Variants in KHDRBS2 observed in about 807,000 individuals in gnomAD.
The protein encoded by KHDRBS2 is KH RNA binding domain containing, signal transduction associated 2, also known as KH domain-containing, RNA-binding, signal transduction-associated protein 2.
In KHDRBS2, 26 loss-of-function variants were observed where a neutral mutation model predicts 44.3. That is an observed-to-expected ratio of 0.59 (90% confidence interval 0.43 to 0.81). The LOEUF (loss-of-function observed/expected upper bound fraction) is 0.81. Among genes scored for constraint, KHDRBS2 ranks in the 40% least tolerant of loss-of-function variants. The pLI, the probability that KHDRBS2 is intolerant of heterozygous loss-of-function variation, is 0.00. For missense variants in KHDRBS2, 476 were observed against 433.1 expected (o/e 1.10, Z -0.88); for synonymous variants, 194 against 151.1 (o/e 1.28, Z -2.08).
At chr6:61,929,057 C>G (rs113428076) in intron 4 of KHDRBS2, among the ~76,000 whole-genome samples, 1,531 of 152,154 alleles carry the variant, frequency 0.01, 12 homozygotes, top group Middle Eastern at 0.017. Context: ...TTTCCTTCCT[C>G]TAAAGATGGC....
At chr6:61,828,597 G>T (rs540154120) in intron 6 of KHDRBS2, among the ~76,000 whole-genome samples, 20 of 152,232 alleles carry the variant, frequency 1.3e-4, no homozygotes, top group Non-Finnish European at 2.5e-4. Context: ...TAGCTCAAAA[G>T]TTCTTTCCTC....
intron 1 of KHDRBS2, among the ~76,000 whole-genome samples, chr6:62,260,063 A>C (rs1838084472): frequency 1.3e-5 from 2 of 151,974 alleles, no homozygotes; most frequent in African/African-American, 4.8e-5. Flanking sequence ...CTTTGCTGCC[A>C]GTCAGAGCTG....
chr6:61,571,192 G>C, the KHDRBS2 span, among the ~76,000 whole-genome samples: 1 of 151,940 alleles, frequency 6.6e-6, no homozygotes, highest in African/African-American at 2.4e-5. Context: ...AATATATAAT[G>C]ACTCACATAA....
Position 61,869,633 on chromosome 6 carries a change from G to A in KHDRBS2, c.810+25002C>T, listed in dbSNP as rs535499721. 1.6e-3 allele frequency among the ~76,000 whole-genome samples: 241 copies of A among 152,252 alleles called. 8 individuals carry two copies. The South Asian group carries it at 0.046, about 29-fold the overall frequency. On this transcript the variant is annotated intron_variant, in intron 6 of 8. Coordinates refer to ENST00000281156, the MANE Select transcript of KHDRBS2 (RefSeq NM_152688.4). ...TCCCAGCGAGATTGACGCAGAAGAC[G>A]GTGATTTCTGCATTTCCAACTGAGG...
At chr6:61,732,580 C>A in intron 7 of KHDRBS2, 102 bp downstream of exon 7, 1 of 732,736 alleles carries the variant, frequency 1.4e-6, no homozygotes, top group Admixed American at 2.2e-5. Flanking sequence ...AGAAAAAACA[C>A]TACTAGAAAT....
intron 2 of KHDRBS2, among the ~76,000 whole-genome samples, chr6:62,134,091 T>A (rs1186970348): frequency 3.9e-5 from 6 of 152,138 alleles, no homozygotes; most frequent in African/African-American, 1.4e-4. Flanking sequence ...CAAATGTTAA[T>A]CGCTAAGACA....
At chr6:61,997,283 A>G (rs140809167) in intron 3 of KHDRBS2, among the ~76,000 whole-genome samples, 32 of 152,210 alleles carry the variant, frequency 2.1e-4, no homozygotes, top group African/African-American at 6.7e-4. Context: ...CTATCACCCT[A>G]TTGATTCTGA....
At chr6:62,238,340 G>C (rs1834039763) in intron 1 of KHDRBS2, among the ~76,000 whole-genome samples, 1 of 152,074 alleles carries the variant, frequency 6.6e-6, no homozygotes, top group African/African-American at 2.4e-5. Flanking sequence ...TCTTATATGA[G>C]TACATTTTTA....
intron 4 of KHDRBS2, among the ~76,000 whole-genome samples, chr6:61,943,863 T>A (rs2127378062): frequency 6.6e-6 from 1 of 152,238 alleles, no homozygotes; most frequent in South Asian, 2.1e-4. Context: ...CATAGGTATT[T>A]CTCAAAAGAA....
chr6:62,022,479 C>T (rs1178921414), intron 3 of KHDRBS2, among the ~76,000 whole-genome samples: 1 of 151,620 alleles, frequency 6.6e-6, no homozygotes, highest in Non-Finnish European at 1.5e-5. Context: ...ACTGTATTGG[C>T]CATCTTACTA....
At chr6:62,132,866 A>G (rs1652740342) in intron 2 of KHDRBS2, among the ~76,000 whole-genome samples, 1 of 152,222 alleles carries the variant, frequency 6.6e-6, no homozygotes, top group Non-Finnish European at 1.5e-5. Context: ...ACAGATCCAA[A>G]TAGTTTTAAA....
chr6:62,148,310 T>C (rs1814366819), intron 2 of KHDRBS2, among the ~76,000 whole-genome samples: 1 of 152,030 alleles, frequency 6.6e-6, no homozygotes. Flanking sequence ...ATCTAAACAC[T>C]TGTTAACTTC....
At chr6:61,885,243 GA>G (rs373573622) in intron 6 of KHDRBS2, among the ~76,000 whole-genome samples, 2,270 of 147,006 alleles carry the variant, frequency 0.015, 50 homozygotes, top group African/African-American at 0.05. Context: ...CTGGTTGATA[GA>G]AAAAAAAAAG....
chr6:62,276,699 T>C (rs1195188132), intron 1 of KHDRBS2, among the ~76,000 whole-genome samples: 2 of 152,212 alleles, frequency 1.3e-5, no homozygotes, highest in South Asian at 4.1e-4. Flanking sequence ...CATATAATAA[T>C]TCATCCAATA....
intron 6 of KHDRBS2, among the ~76,000 whole-genome samples, chr6:61,795,985 A>C (rs9452586): frequency 6.6e-6 from 1 of 152,136 alleles, no homozygotes; most frequent in African/African-American, 2.4e-5. Flanking sequence ...TGAGGATGGA[A>C]TAAAACAGAA....
At chr6:61,642,714 A>G in the KHDRBS2 span, among the ~76,000 whole-genome samples, 8 of 152,022 alleles carry the variant, frequency 5.3e-5, no homozygotes, top group African/African-American at 9.7e-5. Flanking sequence ...GTTGCATTTA[A>G]TTCCACAAAG....
At chr6:61,960,158 C>T (rs1197242474) in intron 4 of KHDRBS2, among the ~76,000 whole-genome samples, 4 of 152,030 alleles carry the variant, frequency 2.6e-5, no homozygotes, top group South Asian at 2.1e-4. Flanking sequence ...CACCTTAAAA[C>T]CCCCTATTAA....
At chr6:61,832,927 T>C (rs1235595331) in intron 6 of KHDRBS2, among the ~76,000 whole-genome samples, 5 of 152,228 alleles carry the variant, frequency 3.3e-5, no homozygotes, top group Non-Finnish European at 2.9e-5. Flanking sequence ...GGGTTCATAC[T>C]TTTATCTTCA....
intron 2 of KHDRBS2, among the ~76,000 whole-genome samples, chr6:62,096,752 T>C (rs966121233): frequency 2.6e-5 from 4 of 151,888 alleles, no homozygotes; most frequent in Non-Finnish European, 5.9e-5. Context: ...TCTTTCTGTT[T>C]ATTTGGGTTT....
Sources: gnomAD v4.1 joint callset for allele counts (sites outside exome capture counted in the v4.1 genomes callset) on GRCh38, gnomAD v4.1.1 for gene constraint, MANE v1.5 for transcripts, NCBI Gene and HGNC (gene_info 2026-07-23, HGNC 2026-07-21) for gene names.